GRIN1: variants seen among roughly 807,000 people sequenced by gnomAD.
GRIN1 encodes the protein glutamate ionotropic receptor NMDA type subunit 1.
A neutral mutation model predicts 103.0 loss-of-function variants in GRIN1; 38 were observed. The observed-to-expected ratio is 0.37, with a 90% CI of 0.28 to 0.48. The LOEUF is 0.48. GRIN1 is among the 20% of genes least tolerant of loss of function. The probability of loss-of-function intolerance (pLI) is 0.98; values close to 1 mark genes in which losing one functional copy is unlikely to be tolerated. For missense variants in GRIN1, 577 were observed against 1,288.9 expected, an observed-to-expected ratio of 0.45 and a Z score of 8.46; for synonymous variants, 544 against 532.7, an observed-to-expected ratio of 1.02 and a Z score of -0.29.
chr9:137,144,765 G>A (rs1481622499), intron 2 of GRIN1, among the ~76,000 whole-genome samples: 1 of 82,246 alleles, frequency 1.2e-5, no homozygotes, highest in Non-Finnish European at 2.4e-5. Context: ...GGGGTCCCAG[G>A]GTCCAGAAAG....
intron 19 of GRIN1, 22 bp from the exon 20 acceptor site, chr9:137,167,389 G>C (rs1315359567): frequency 6.5e-7 from 1 of 1,548,626 alleles, no homozygotes; most frequent in Admixed American, 1.9e-5. Flanking sequence ...AGCGGGTATT[G>C]ATTGTTGGTT....
chr9:137,162,367 C>A, intron 12 of GRIN1, 37 bp from the exon 13 acceptor site: 1 of 1,552,386 alleles, frequency 6.4e-7, no homozygotes, highest in Non-Finnish European at 8.7e-7. Flanking sequence ...GGCCGCCTCT[C>A]CCGCCCTCTC....
In GRIN1 at chr9:137,162,689, C is replaced by T. The variant is rs1427685614; in HGVS notation, c.1963C>T (p.Leu655=). 6.2e-7 allele frequency: 1 copy of T among 1,610,054 alleles called. No individual in the cohort carries two copies. Among genetic ancestry groups the T allele is most frequent in the Admixed American group, 1.7e-5 (1 of 59,518 alleles). ...CTACACCGCCAACCTGGCGGCCTTC[C>T]TGGTGCTGGACCGGCCGGAGGAGCG... is the stretch of plus-strand genomic sequence containing the variant. ...ASYTANLAAF[L]VLDRPEERIT... Residue 655 remains leucine (L), a synonymous_variant, in exon 14 of 20, where the codon CTG becomes TTG. Transcript: ENST00000371561.
At position 137,168,739 on chromosome 9, in the gene GRIN1, C is replaced by T. The variant is rs1588748185; in HGVS notation, c.*1212C>T. 2.5e-6 allele frequency: 2 copies of T among 790,980 alleles called. No homozygotes were observed. Among genetic ancestry groups the T allele is most frequent in the East Asian group, 3.8e-5 (1 of 26,128 alleles). 49.0% of individuals were successfully genotyped at this position (790,980 alleles called of 1,614,324 possible). The stretch of plus-strand genomic sequence containing the variant: ...CTCCCGGTGTATGCAGTGGTGATGC[C>T]TAAAGGAATGTCACGCAGTTTTCGG... On this transcript the variant is annotated 3_prime_UTR_variant, in exon 20 of 20. Coordinates refer to ENST00000371561, the MANE Select transcript of GRIN1 (RefSeq NM_007327.4).
intron 4 of GRIN1, among the ~76,000 whole-genome samples, chr9:137,153,014 C>T (rs987448614): frequency 1.3e-5 from 2 of 152,070 alleles, no homozygotes; most frequent in African/African-American, 2.4e-5. Context: ...CATCTCTACT[C>T]ACACATGCAG....
chr9:137,142,577 C>A (rs4880215), intron 2 of GRIN1, among the ~76,000 whole-genome samples: 43,379 of 152,194 alleles, frequency 0.29, 7,685 homozygotes, highest in Non-Finnish European at 0.39. Context: ...CACAAAGTCA[C>A]ACACACTCAC....
chr9:137,149,706 G>C (rs1198712681), intron 4 of GRIN1, among the ~76,000 whole-genome samples: 2 of 152,244 alleles, frequency 1.3e-5, no homozygotes, highest in Non-Finnish European at 2.9e-5. Flanking sequence ...GGAAGGAAAA[G>C]CCTGGGTGAC....
At chr9:137,163,467 ACCCCGCAGGCCCCGCCCCGG>A in intron 16 of GRIN1, 72 bp from the exon 17 acceptor site, 1 of 1,389,488 alleles carries the variant, frequency 7.2e-7, no homozygotes, top group African/African-American at 1.4e-5. Flanking sequence ...GCCGCACCCT[ACCCCGCAGGCCCCGCCCCGG>A]CCCCGCCCCC....
intron 4 of GRIN1, among the ~76,000 whole-genome samples, chr9:137,152,594 C>T (rs1832970008): frequency 6.6e-6 from 1 of 152,110 alleles, no homozygotes; most frequent in Non-Finnish European, 1.5e-5. Context: ...TTTTTTTTCT[C>T]GGCCTGTGAG....
intron 2 of GRIN1, among the ~76,000 whole-genome samples, chr9:137,142,489 ACATT>A (rs772928770): frequency 1.9e-4 from 29 of 152,188 alleles, no homozygotes; most frequent in Non-Finnish European, 3.8e-4. Context: ...ACACACTCAC[ACATT>A]CATACAGCAC....
rs1455640330 is a variant in GRIN1, at chr9:137,156,958, GAGA to G, written c.892_894del (p.Lys298del). On this transcript the variant is annotated inframe_deletion, in exon 6 of 20. Coordinates refer to ENST00000371561, the MANE Select transcript of GRIN1 (RefSeq NM_007327.4). ...GGCCCAGGCCGTGCACGAGCTCCTC[GAGA>G]AGGAGAACATCACCGACCCGCCGCG... 3.1e-6 allele frequency: 5 copies of G among 1,612,100 alleles called. No individual in the cohort carries two copies. Among genetic ancestry groups the G allele is most frequent in the African/African-American group, 1.3e-5 (1 of 74,946 alleles).
chr9:137,166,382 G>T (rs550603234), intron 19 of GRIN1, among the ~76,000 whole-genome samples: 1 of 152,362 alleles, frequency 6.6e-6, no homozygotes, highest in South Asian at 2.1e-4. Context: ...CAGAGAGGCA[G>T]CGGAGACCTC....
At chr9:137,141,700 ACCTTGGGTGCGTC>A (rs1832171607) in intron 1 of GRIN1, among the ~76,000 whole-genome samples, 1 of 152,022 alleles carries the variant, frequency 6.6e-6, no homozygotes, top group Non-Finnish European at 1.5e-5. Context: ...TCCCCGGTCC[ACCTTGGGTGCGTC>A]CCGTGCTCCA....
At chr9:137,147,493 CGCACAT>C (rs1398647873) in intron 3 of GRIN1, among the ~76,000 whole-genome samples, 1 of 151,994 alleles carries the variant, frequency 6.6e-6, no homozygotes, top group Non-Finnish European at 1.5e-5. Context: ...CACGCACACA[CGCACAT>C]GCACACATGC....
chr9:137,139,589 A>G lies in GRIN1; in HGVS notation c.103A>G (p.Thr35Ala), dbSNP rs2131186563. 1 of 1,613,486 alleles carries G rather than the reference A, an allele frequency of 6.2e-7. No homozygotes were observed. Among genetic ancestry groups the G allele is most frequent in the Non-Finnish European group, 8.5e-7 (1 of 1,179,936 alleles). Residue 35 changes from threonine to alanine, a missense_variant, in exon 1 of 20, where the codon ACG (threonine) becomes GCG (alanine). This residue lies in a region of GRIN1 where 308 missense variants were observed against 553.6 expected (regional missense o/e 0.56). Transcript: ENST00000371561. The surrounding 1 kb of genome is among the most constrained non-coding windows in gnomAD (Gnocchi z 7.7). ...CGTCAACATTGGCGCGGTGCTGAGC[A>G]CGCGGAAGCACGAGCAGATGTTCCG... ...KIVNIGAVLS[T>A]RKHEQMFREA... is the part of the protein sequence containing the mutation.
In GRIN1 at chr9:137,157,919, G is replaced by T. The variant is rs551476536; in HGVS notation, c.969-460G>T. Among the ~76,000 whole-genome samples the T allele has an allele frequency of 6.6e-5, 10 of 152,364 alleles. No homozygotes were observed. The South Asian group carries it at 2.1e-3, about 32-fold the overall frequency. The stretch of plus-strand genomic sequence containing the variant: ...ACATAGGGATCACGTGTGCACACAG[G>T]TTCACTGATGTGGCCCGATGGGTAC... On this transcript the variant is annotated intron_variant, in intron 6 of 19. Coordinates refer to ENST00000371561, the MANE Select transcript of GRIN1 (RefSeq NM_007327.4).
intron 3 of GRIN1, 51 bp from the exon 4 acceptor site, chr9:137,148,958 C>A: frequency 1.5e-6 from 2 of 1,310,718 alleles, no homozygotes; most frequent in Non-Finnish European, 2.2e-6. Flanking sequence ...ACCCCTGAGG[C>A]GCTATGTCCC....
chr9:137,143,988 C>T (rs772465681), intron 2 of GRIN1, among the ~76,000 whole-genome samples: 50 of 152,254 alleles, frequency 3.3e-4, no homozygotes, highest in Non-Finnish European at 5.7e-4. Flanking sequence ...ACCACGCTCT[C>T]GCCTGGGGAG....
intron 13 of GRIN1, 29 bp from the exon 14 acceptor site, chr9:137,162,562 G>C: frequency 6.2e-7 from 1 of 1,611,216 alleles, no homozygotes; most frequent in Non-Finnish European, 8.5e-7. Flanking sequence ...GCCCTCTAGG[G>C]TCTGACAGAG....
Sources: gnomAD v4.1 joint callset for allele counts (sites outside exome capture counted in the v4.1 genomes callset) on GRCh38, gnomAD v4.1.1 for gene constraint, gnomAD v4.1.1 regional missense constraint, Gnocchi (gnomAD v3.1) non-coding constraint, MANE v1.5 for transcripts, NCBI Gene and HGNC (gene_info 2026-07-23, HGNC 2026-07-21) for gene names.